ZNF112: variants seen among roughly 807,000 people sequenced by gnomAD.
The protein encoded by ZNF112 is zinc finger protein 112 (Y14).
A neutral mutation model predicts 77.7 loss-of-function variants in ZNF112; 37 were observed. The ratio of observed to expected loss-of-function variants is 0.48; its 90% CI spans 0.37 to 0.63. ZNF112 has a LOEUF of 0.63. Among genes scored for constraint, ZNF112 ranks in the 20% least tolerant of loss-of-function variants. The probability of loss-of-function intolerance (pLI) is 0.00; values close to 1 mark genes in which losing one functional copy is unlikely to be tolerated. For synonymous variants in ZNF112, 333 were observed against 363.6 expected (o/e 0.92, Z 0.96); for missense variants, 950 against 1,077.4 (o/e 0.88, Z 1.66).
chr19:44,365,505 T>G (rs1405208840), intron 1 of ZNF112, among the ~76,000 whole-genome samples: 1 of 151,782 alleles, frequency 6.6e-6, no homozygotes, highest in East Asian at 1.9e-4. Flanking sequence ...TGTGTAAAAA[T>G]TGTATACACA....
At chr19:44,340,332 AG>A in intron 2 of ZNF112, 83 bp downstream of exon 2, 1 of 1,537,392 alleles carries the variant, frequency 6.5e-7, no homozygotes, top group Non-Finnish European at 8.7e-7. Flanking sequence ...GAATAATTTC[AG>A]GGGCTTCAGA....
chr19:44,327,696 G>A lies in ZNF112; in HGVS notation c.2461C>T (p.His821Tyr). Residue 821 changes from histidine (H) to tyrosine (Y), a missense_variant, in exon 4 of 4, where the codon CAC becomes TAC. By Grantham distance (83) the His-to-Tyr change is moderately conservative. Coordinates refer to ENST00000354340, the MANE Select transcript of ZNF112 (RefSeq NM_013380.4). ...CATTTGTATGGTTTCTCTCCTGTGT[G>A]GACTCTGTGATGGGCTTGAAGACTT... ...YSSLQAHHRVHTGEKPYKCEV... is the reference protein window; with the variant it reads ...YSSLQAHHRVYTGEKPYKCEV... 6.2e-7 allele frequency: 1 copy of A among 1,613,902 alleles called. No homozygotes were observed. Among genetic ancestry groups the A allele is most frequent in the Non-Finnish European group, 8.5e-7 (1 of 1,179,930 alleles).
intron 1 of ZNF112, among the ~76,000 whole-genome samples, chr19:44,363,886 T>C (rs1453252720): frequency 1.3e-5 from 2 of 152,216 alleles, no homozygotes; most frequent in Non-Finnish European, 2.9e-5. Flanking sequence ...CTGATTGTTT[T>C]GAATCCTAAT....
intron 2 of ZNF112, among the ~76,000 whole-genome samples, chr19:44,337,125 C>T (rs1426564354): frequency 6.6e-6 from 1 of 150,562 alleles, no homozygotes; most frequent in Non-Finnish European, 1.5e-5. Context: ...CTTGCCTTGG[C>T]CTCCCAAAGT....
At chr19:44,349,780 TA>T (rs1401508795) in intron 1 of ZNF112, among the ~76,000 whole-genome samples, 2 of 152,072 alleles carry the variant, frequency 1.3e-5, no homozygotes, top group East Asian at 3.8e-4. Flanking sequence ...TGTATCCAGA[TA>T]AAATAAATTT....
chr19:44,327,862 G>C lies in ZNF112; in HGVS notation c.2295C>G (p.His765Gln). The C allele has an allele frequency of 1.2e-6, 2 of 1,613,956 alleles. No individual in the cohort carries two copies. The highest frequency in any genetic ancestry group is 2.2e-5 in the South Asian group (2 of 91,080). The change falls in exon 4 of 4, where the codon CAC (histidine) becomes CAG (glutamine). Residue 765 changes from histidine (H) to glutamine (Q), a missense_variant. This residue lies in a region of ZNF112 where 373 missense variants were observed against 482.8 expected (regional missense o/e 0.77). Coordinates refer to ENST00000354340, the MANE Select transcript of ZNF112 (RefSeq NM_013380.4). ...CACATTTGTATGGTTTCCCTCCTGTGTGAACCCTCCGATGTGCTTCAAGGC... is the reference window on the plus strand; with the variant it reads ...CACATTTGTATGGTTTCCCTCCTGTCTGAACCCTCCGATGTGCTTCAAGGC... ...SSRLEAHRRV[H>Q]TGGKPYKCEV...
chr19:44,366,872 C>A (rs1363662874), intron 1 of ZNF112, among the ~76,000 whole-genome samples: 1 of 152,118 alleles, frequency 6.6e-6, no homozygotes, highest in Non-Finnish European at 1.5e-5. Flanking sequence ...ATTCTCCACT[C>A]AACTGCATCA....
intron 1 of ZNF112, among the ~76,000 whole-genome samples, chr19:44,361,743 T>C (rs1448330459): frequency 1.3e-5 from 2 of 152,214 alleles, no homozygotes; most frequent in African/African-American, 2.4e-5. Flanking sequence ...ACCCATGGAA[T>C]GTACAACACA....
At chr19:44,353,556 T>C (rs1387661829) in intron 1 of ZNF112, among the ~76,000 whole-genome samples, 1 of 151,870 alleles carries the variant, frequency 6.6e-6, no homozygotes, top group African/African-American at 2.4e-5. Context: ...AGGAAAAATA[T>C]AACCCAATGT....
chr19:44,328,042 A>T lies in ZNF112; in HGVS notation c.2115T>A (p.His705Gln). The part of the protein sequence containing the change: ...SFSQRSYLQS[H>Q]QSVHSGERPY... ...GTCTTTCTCCAGAATGGACACTCTG[A>T]TGACTCTGAAGGTATGATCTCTGAC... Residue 705 changes from histidine to glutamine, a missense_variant, in exon 4 of 4, where the codon CAT (histidine) becomes CAA (glutamine). His to Gln is a conservative substitution (Grantham distance 24, BLOSUM62 0). Transcript: ENST00000354340. 1 of 1,613,936 alleles carries T rather than the reference A, an allele frequency of 6.2e-7. No homozygotes were observed. The highest frequency in any genetic ancestry group is 8.5e-7 in the Non-Finnish European group (1 of 1,179,978).
chr19:44,361,610 A>G (rs1970855840), upstream of ZNF112, among the ~76,000 whole-genome samples: 1 of 152,202 alleles, frequency 6.6e-6, no homozygotes, highest in Non-Finnish European at 1.5e-5. Context: ...AAAGGTCAGT[A>G]AAGTGATCAG....
chr19:44,364,129 C>T (rs1315101829), intron 1 of ZNF112, among the ~76,000 whole-genome samples: 5 of 152,096 alleles, frequency 3.3e-5, no homozygotes, highest in Admixed American at 6.6e-5. Flanking sequence ...AGGCTGGTCT[C>T]GAACTTCTGA....
intron 2 of ZNF112, among the ~76,000 whole-genome samples, chr19:44,340,069 T>C (rs1262966073): frequency 2.0e-5 from 3 of 149,628 alleles, no homozygotes; most frequent in Non-Finnish European, 4.4e-5. Context: ...GTAAGTTTTC[T>C]GTGAGTTTAA....
rs1336534550 is a variant in ZNF112, at chr19:44,331,042, A to AATG, written c.221-1107_221-1106insCAT. Among the ~76,000 whole-genome samples, 3 of 152,214 alleles carry AATG rather than the reference A, an allele frequency of 2.0e-5. No individual in the cohort carries two copies. In the East Asian group the frequency reaches 5.8e-4, roughly 29 times the overall value. On this transcript the variant is annotated intron_variant, in intron 3 of 3. Coordinates refer to ENST00000354340, the MANE Select transcript of ZNF112 (RefSeq NM_013380.4). Reference sequence around the variant, plus strand: ...AGCTATTTATCCTCATGAGAATAATAAGCTCTTCTTCAGATTATGAGACTA... The same window carrying AATG: ...AGCTATTTATCCTCATGAGAATAATAATGAGCTCTTCTTCAGATTATGAGACTA...
intron 2 of ZNF112, among the ~76,000 whole-genome samples, chr19:44,337,163 G>A (rs1467042247): frequency 3.4e-5 from 5 of 148,240 alleles, no homozygotes; most frequent in South Asian, 2.1e-4. Context: ...GAGCCACCAC[G>A]CCTGGCCATT....
chr19:44,357,827 C>CT (rs1376700805), upstream of ZNF112, among the ~76,000 whole-genome samples: 6 of 152,160 alleles, frequency 3.9e-5, no homozygotes, highest in African/African-American at 1.4e-4. Context: ...TGTAAGTTGT[C>CT]TTATGGAGGA....
chr19:44,329,690 A>C lies in ZNF112; in HGVS notation c.467T>G (p.Ile156Arg), dbSNP rs747946390. Residue 156 changes from isoleucine to arginine, a missense_variant, in exon 4 of 4, where the codon ATA becomes AGA. Coordinates refer to ENST00000354340, the MANE Select transcript of ZNF112 (RefSeq NM_013380.4). The stretch of plus-strand genomic sequence containing the variant: ...TTTTATATAATTGGAGCCATTCCCT[A>C]TATGAGTGAATATATAGTTCTTATC... ...SEDKNYIFTH[I>R]GNGSNYIKSQ... 1.1e-5 allele frequency: 17 copies of C among 1,613,980 alleles called. No homozygotes were observed. The East Asian group carries it at 3.8e-4, about 36-fold the overall frequency.
At chr19:44,349,604 CT>C (rs1970656567) in intron 1 of ZNF112, among the ~76,000 whole-genome samples, 1 of 151,910 alleles carries the variant, frequency 6.6e-6, no homozygotes, top group African/African-American at 2.4e-5. Context: ...AATAAAATGT[CT>C]CATCAGAGCA....
At chr19:44,350,491 C>T (rs1002866207) in intron 1 of ZNF112, among the ~76,000 whole-genome samples, 1 of 152,018 alleles carries the variant, frequency 6.6e-6, no homozygotes, top group African/African-American at 2.4e-5. Context: ...TGGAAATTAG[C>T]TTTAGCTGCA....
Sources: gnomAD v4.1 joint callset for allele counts (sites outside exome capture counted in the v4.1 genomes callset) on GRCh38, gnomAD v4.1.1 for gene constraint, gnomAD v4.1.1 regional missense constraint, MANE v1.5 for transcripts, NCBI Gene and HGNC (gene_info 2026-07-23, HGNC 2026-07-21) for gene names.